Variants in BAIAP2L2 observed in about 807,000 individuals in gnomAD.
The protein encoded by BAIAP2L2 is BAR/IMD domain-containing adapter protein 2-like 2.
In BAIAP2L2, 65 loss-of-function variants were observed where a neutral mutation model predicts 60.4. The ratio of observed to expected loss-of-function variants is 1.08; its 90% CI spans 0.88 to 1.32. The LOEUF is 1.32. BAIAP2L2 is among the 40% of genes most tolerant of loss of function. The probability of loss-of-function intolerance (pLI) is 0.00; values close to 1 mark genes in which losing one functional copy is unlikely to be tolerated. For missense variants in BAIAP2L2, 836 were observed against 741.2 expected (o/e 1.13, Z -1.48); for synonymous variants, 344 against 301.7 (o/e 1.14, Z -1.45).
chr22:38,085,929 C>A (rs2086051235), intron 12 of BAIAP2L2, among the ~76,000 whole-genome samples, 197 bp from the exon 13 acceptor site: 1 of 152,182 alleles, frequency 6.6e-6, no homozygotes, highest in Admixed American at 6.5e-5. Flanking sequence ...AACCCCTAGG[C>A]CAGAGCACCA....
chr22:38,110,435 A>C, intron 1 of BAIAP2L2, 40 bp downstream of exon 1: 1 of 1,595,728 alleles, frequency 6.3e-7, no homozygotes. Flanking sequence ...GTGCCCTGGG[A>C]GGAGGGGCTC....
chr22:38,097,707 A>G (rs1435576504), intron 6 of BAIAP2L2, among the ~76,000 whole-genome samples: 2 of 150,888 alleles, frequency 1.3e-5, no homozygotes, highest in African/African-American at 4.9e-5. Context: ...CAGGCAGGAG[A>G]GAGGGGAGGA....
At chr22:38,105,198 C>T (rs1473000532) in intron 4 of BAIAP2L2, among the ~76,000 whole-genome samples, 1 of 152,116 alleles carries the variant, frequency 6.6e-6, no homozygotes, top group Non-Finnish European at 1.5e-5. Flanking sequence ...AGAGTCAGGA[C>T]CTGTTAATGG....
intron 4 of BAIAP2L2, among the ~76,000 whole-genome samples, chr22:38,101,630 G>C (rs370496572): frequency 6.6e-6 from 1 of 151,510 alleles, no homozygotes; most frequent in Non-Finnish European, 1.5e-5. Context: ...AAGGTGTGTG[G>C]ATCACCTGAG....
At chr22:38,093,025 G>C (rs1047804414) in intron 7 of BAIAP2L2, among the ~76,000 whole-genome samples, 1 of 152,050 alleles carries the variant, frequency 6.6e-6, no homozygotes, top group Non-Finnish European at 1.5e-5. Flanking sequence ...AAATTAACGG[G>C]CATGGTGGTG....
intron 4 of BAIAP2L2, among the ~76,000 whole-genome samples, chr22:38,105,549 G>A (rs1260484299): frequency 1.3e-5 from 2 of 151,848 alleles, no homozygotes; most frequent in Non-Finnish European, 2.9e-5. Flanking sequence ...CACCATGTTG[G>A]CCAGGTTAGT....
intron 6 of BAIAP2L2, among the ~76,000 whole-genome samples, chr22:38,097,467 G>T (rs542083275): frequency 9.8e-5 from 15 of 152,362 alleles, no homozygotes; most frequent in East Asian, 5.8e-4. Flanking sequence ...GCACGGGCTG[G>T]GGGGGCAGGG....
Position 38,089,077 on chromosome 22 carries a change from C to G in BAIAP2L2, c.901+19G>C. The G allele has an allele frequency of 1.4e-6, 2 of 1,381,804 alleles. No individual in the cohort carries two copies. The highest frequency in any genetic ancestry group is 1.9e-6 in the Non-Finnish European group (2 of 1,073,598). The allele number at this position is 1,381,804 out of a possible 1,614,324, so 85.6% of individuals were successfully genotyped here. On this transcript the variant is annotated intron_variant, in intron 9 of 13. Coordinates refer to ENST00000381669, the MANE Select transcript of BAIAP2L2 (RefSeq NM_025045.6). Reference sequence around the variant, plus strand: ...CGCCTCTCCCGGCCCTCCTGCCGCCCCGGGGCGGGGGCACTCACAGGCCGA... The same window carrying G: ...CGCCTCTCCCGGCCCTCCTGCCGCCGCGGGGCGGGGGCACTCACAGGCCGA...
At chr22:38,089,833 C>T (rs189327221) in intron 7 of BAIAP2L2, among the ~76,000 whole-genome samples, 159 bp from the exon 8 acceptor site, 12 of 152,268 alleles carry the variant, frequency 7.9e-5, no homozygotes, top group Non-Finnish European at 8.8e-5. Context: ...ACCGTCCAAC[C>T]CGCACCCTCT....
chr22:38,108,224 A>G, intron 3 of BAIAP2L2, 31 bp downstream of exon 3: 1 of 1,596,296 alleles, frequency 6.3e-7, no homozygotes. Context: ...AGGGCCCAAG[A>G]ATGGGGTCTG....
Position 38,089,513 on chromosome 22 carries a change from G to T in BAIAP2L2, c.765+9C>A. 1 of 1,205,466 alleles carries T rather than the reference G, an allele frequency of 8.3e-7. No homozygotes were observed. The highest frequency in any genetic ancestry group is 1.0e-6 in the Non-Finnish European group (1 of 970,784). 74.7% of individuals were successfully genotyped at this position (1,205,466 alleles called of 1,614,324 possible). ...GCGCGAACGGCGGCGGGGGCGCCCA[G>T]GGCCTCACCATGTCCAGGCAGGTGG... On this transcript the variant is annotated intron_variant, in intron 8 of 13. Transcript: ENST00000381669.
chr22:38,089,370 G>A, intron 8 of BAIAP2L2, 139 bp from the exon 9 acceptor site: 1 of 566,608 alleles, frequency 1.8e-6, no homozygotes, highest in Non-Finnish European at 2.6e-6. Flanking sequence ...CGGGGGCGCG[G>A]AGAACGCGCC....
chr22:38,101,410 G>C (rs2086565492), intron 4 of BAIAP2L2, among the ~76,000 whole-genome samples: 1 of 142,724 alleles, frequency 7.0e-6, no homozygotes, highest in African/African-American at 2.7e-5. Context: ...AGCCAGACGT[G>C]GTGGTTCATG....
intron 10 of BAIAP2L2, among the ~76,000 whole-genome samples, chr22:38,088,100 A>G (rs571084544): frequency 6.6e-6 from 1 of 152,288 alleles, no homozygotes; most frequent in Non-Finnish European, 1.5e-5. Context: ...AGGAGTGGGC[A>G]CCGTACACTA....
intron 7 of BAIAP2L2, 109 bp downstream of exon 7, chr22:38,096,919 ACAGG>A (rs2086443770): frequency 4.8e-6 from 6 of 1,250,536 alleles, no homozygotes; most frequent in South Asian, 3.1e-5. Flanking sequence ...ATTTCTACAG[ACAGG>A]CAGGCAGGGA....
chr22:38,092,909 T>C (rs1053931713), intron 7 of BAIAP2L2, among the ~76,000 whole-genome samples: 6 of 152,088 alleles, frequency 3.9e-5, no homozygotes, highest in Admixed American at 6.5e-5. Flanking sequence ...CACACCTTAA[T>C]TCCAGCACTT....
chr22:38,106,514 C>T (rs1263687768), intron 4 of BAIAP2L2, among the ~76,000 whole-genome samples: 2 of 140,656 alleles, frequency 1.4e-5, no homozygotes, highest in South Asian at 2.4e-4. Flanking sequence ...AGCAAGACTC[C>T]GTCTCAAAAA....
chr22:38,089,396 G>T (rs992741271), intron 8 of BAIAP2L2, 126 bp downstream of exon 8: 7 of 611,472 alleles, frequency 1.1e-5, no homozygotes, highest in Non-Finnish European at 1.4e-5. Context: ...GGAAGGGCAG[G>T]CCGGGGGATG....
At position 38,108,957 on chromosome 22, in the gene BAIAP2L2, A is replaced by T. The variant is rs143815009; in HGVS notation, c.127+176T>A. 9.2e-4 allele frequency among the ~76,000 whole-genome samples: 138 copies of T among 149,772 alleles called. 2 individuals carry two copies. The East Asian group carries it at 0.026, about 28-fold the overall frequency. ...GGACTGGGGTGCGTGGGCACAGGAG[A>T]GTGGGGGTGCATAAGGCCTCTCTGG... On this transcript the variant is annotated intron_variant, in intron 2 of 13. Coordinates refer to ENST00000381669, the MANE Select transcript of BAIAP2L2 (RefSeq NM_025045.6).
Sources: allele counts gnomAD v4.1 joint callset (sites outside exome capture counted in the v4.1 genomes callset), GRCh38; gene constraint gnomAD v4.1.1; transcripts MANE v1.5; gene names NCBI Gene and HGNC (gene_info 2026-07-23, HGNC 2026-07-21).